The following TM4SF4 variants were observed in gnomAD, a reference collection of about 807,000 sequenced individuals.
TM4SF4 encodes transmembrane 4 L6 family member 4.
TM4SF4 carries 24 observed loss-of-function variants against 24.1 expected under a neutral mutation model. The observed-to-expected ratio is 1.00, with a 90% CI of 0.72 to 1.40. TM4SF4 has a LOEUF of 1.40. Ranked by LOEUF, TM4SF4 falls within the 40% of genes most tolerant of loss-of-function variation. TM4SF4 has a pLI of 0.00. For synonymous variants in TM4SF4, 113 were observed against 97.0 expected (o/e 1.17, Z -0.97); for missense variants, 254 against 254.2 (o/e 1.00, Z 0.01).
At position 149,498,847 on chromosome 3, in the gene TM4SF4, T is replaced by C; in HGVS notation, c.527T>C (p.Ile176Thr). 3.1e-6 allele frequency: 5 copies of C among 1,613,992 alleles called. No homozygotes were observed. The South Asian group carries it at 5.5e-5, about 18-fold the overall frequency. Residue 176 changes from isoleucine (I) to threonine (T), a missense_variant, in exon 4 of 5, where the codon ATC becomes ACC. Coordinates refer to ENST00000305354, the MANE Select transcript of TM4SF4 (RefSeq NM_004617.4). ...GGAATCCAGATGGTTCTCTGCGCCA[T>C]CCAGGTGGTCAATGGCCTCCTGGGG... is the stretch of plus-strand genomic sequence containing the variant. ...VGGIQMVLCA[I>T]QVVNGLLGTL...
chr3:149,476,621 C>T (rs555223320), intron 2 of TM4SF4, among the ~76,000 whole-genome samples: 7 of 152,282 alleles, frequency 4.6e-5, no homozygotes, highest in African/African-American at 1.7e-4. Context: ...CTGGACTAGA[C>T]CAGAATTTCT....
intron 3 of TM4SF4, among the ~76,000 whole-genome samples, chr3:149,489,217 G>A (rs577610480): frequency 1.0e-3 from 153 of 152,306 alleles, no homozygotes; most frequent in African/African-American, 2.7e-3. Flanking sequence ...ATCCCAGCAG[G>A]CTGAGCCCCC....
Position 149,502,748 on chromosome 3 carries a change from A to T in TM4SF4, c.*55A>T. ...AGCATGACGACTACAATTTCTTTTC[A>T]TAAAACTTCTTCTCTTCTTGGAATT... On this transcript the variant is annotated 3_prime_UTR_variant, in exon 5 of 5. Transcript: ENST00000305354. The T allele has an allele frequency of 3.0e-6, 4 of 1,351,324 alleles. No individual in the cohort carries two copies. Among genetic ancestry groups the T allele is most frequent in the Non-Finnish European group, 4.2e-6 (4 of 949,232 alleles). 83.7% of individuals were successfully genotyped at this position (1,351,324 alleles called of 1,614,324 possible).
intron 2 of TM4SF4, among the ~76,000 whole-genome samples, chr3:149,480,378 T>TA (rs1445224349): frequency 1.1e-4 from 16 of 152,178 alleles, no homozygotes; most frequent in Admixed American, 1.0e-3. Flanking sequence ...AGGAGTGTCT[T>TA]TAATAATGAG....
chr3:149,476,632 C>T (rs560194834), intron 2 of TM4SF4, among the ~76,000 whole-genome samples: 9 of 152,208 alleles, frequency 5.9e-5, no homozygotes, highest in African/African-American at 2.2e-4. Context: ...CAGAATTTCT[C>T]AAGTATGGGA....
intron 2 of TM4SF4, among the ~76,000 whole-genome samples, chr3:149,482,086 A>G (rs1483097567): frequency 6.6e-6 from 1 of 152,270 alleles, no homozygotes; most frequent in African/African-American, 2.4e-5. Flanking sequence ...CTAGCAGCCT[A>G]TCCCACGTGG....
At chr3:149,500,953 A>G (rs1268215488) in intron 4 of TM4SF4, among the ~76,000 whole-genome samples, 1 of 149,800 alleles carries the variant, frequency 6.7e-6, no homozygotes, top group Non-Finnish European at 1.5e-5. Context: ...TGAGCCCACG[A>G]TGCTGAGGCT....
At chr3:149,489,672 A>C (rs777540176) in intron 3 of TM4SF4, among the ~76,000 whole-genome samples, 8 of 152,194 alleles carry the variant, frequency 5.3e-5, no homozygotes, top group Non-Finnish European at 1.0e-4. Flanking sequence ...GAAGTTCTTC[A>C]TATTAGTACT....
intron 1 of TM4SF4, 37 bp downstream of exon 1, chr3:149,475,088 T>A: frequency 6.3e-7 from 1 of 1,583,302 alleles, no homozygotes; most frequent in Non-Finnish European, 8.6e-7. Flanking sequence ...TAAGGGAGAT[T>A]TTCCCTTCCC....
chr3:149,478,143 TTTG>T (rs1487847796), intron 2 of TM4SF4, among the ~76,000 whole-genome samples: 2 of 152,296 alleles, frequency 1.3e-5, no homozygotes, highest in African/African-American at 4.8e-5. Flanking sequence ...AGTTTGTCTT[TTTG>T]TTGTTGTTGT....
rs550740113 is a variant in TM4SF4 at position 149,491,440 on chromosome 3, T to A, written c.401+3685T>A. Among the ~76,000 whole-genome samples the A allele has an allele frequency of 7.2e-5, 11 of 152,002 alleles. No homozygotes were observed. The South Asian group carries it at 2.3e-3, about 32-fold the overall frequency. On this transcript the variant is annotated intron_variant, in intron 3 of 4. Coordinates refer to ENST00000305354, the MANE Select transcript of TM4SF4 (RefSeq NM_004617.4). ...ATAATCATGCCACTGCATTCTAGCC[T>A]GGGCAACAGAGCCAGACCCTGTCTC...
chr3:149,476,014 G>T, intron 2 of TM4SF4, 102 bp downstream of exon 2: 1 of 944,640 alleles, frequency 1.1e-6, no homozygotes. Flanking sequence ...CTCCAGCCAG[G>T]ACTCTGGGAG....
Position 149,502,946 on chromosome 3 carries a change from A to C in TM4SF4, c.*253A>C. The C allele has an allele frequency of 2.3e-6, 1 of 433,428 alleles. No individual in the cohort carries two copies. Among genetic ancestry groups the C allele is most frequent in the South Asian group, 3.9e-5 (1 of 25,480 alleles). 26.8% of individuals were successfully genotyped at this position (433,428 alleles called of 1,614,324 possible). On this transcript the variant is annotated 3_prime_UTR_variant, in exon 5 of 5. Coordinates refer to ENST00000305354, the MANE Select transcript of TM4SF4 (RefSeq NM_004617.4). ...AATTAGTTCCTTTTTAGAATTTACCAACAGGTTCAAAGCATACTTTTCATG... is the reference window on the plus strand; with the variant it reads ...AATTAGTTCCTTTTTAGAATTTACCCACAGGTTCAAAGCATACTTTTCATG...
chr3:149,475,010 G>C lies in TM4SF4; in HGVS notation c.133G>C (p.Glu45Gln), dbSNP rs1733900904. 1 of 1,613,834 alleles carries C rather than the reference G, an allele frequency of 6.2e-7. No homozygotes were observed. The highest frequency in any genetic ancestry group is 2.2e-5 in the East Asian group (1 of 44,870). ...AGATGACAACGACCACCTTTCCCAA[G>C]AGATCTGGTTTTTCGGAGGAATATT... ...VIDDNDHLSQ[E>Q]IWFFGGILGS... The change falls in exon 1 of 5, where the codon GAG (glutamate) becomes CAG (glutamine). Residue 45 changes from glutamate to glutamine, a missense_variant. Transcript: ENST00000305354.
At chr3:149,495,435 G>C in intron 3 of TM4SF4, 1 of 387,082 alleles carries the variant, frequency 2.6e-6, no homozygotes, top group Non-Finnish European at 5.1e-6. Context: ...TGTGCTAAGT[G>C]GAAACTGGTG....
chr3:149,495,114 A>C (rs67976172), intron 3 of TM4SF4: 24,195 of 264,796 alleles, frequency 0.091, 2,135 homozygotes, highest in East Asian at 0.4. Flanking sequence ...TGGATTCCAC[A>C]GAGCCCCTCT....
chr3:149,489,006 T>C (rs1006732021), intron 3 of TM4SF4, among the ~76,000 whole-genome samples: 1 of 152,216 alleles, frequency 6.6e-6, no homozygotes, highest in East Asian at 1.9e-4. Context: ...ATACATGGTC[T>C]TGGTTTGTTC....
intron 2 of TM4SF4, among the ~76,000 whole-genome samples, chr3:149,484,810 G>A (rs941496180): frequency 1.3e-5 from 2 of 151,992 alleles, no homozygotes; most frequent in African/African-American, 2.4e-5. Flanking sequence ...CCTCGGCCCC[G>A]CAAAGTGCTG....
Position 149,487,704 on chromosome 3 carries a change from G to T in TM4SF4, c.350G>T (p.Gly117Val). 1 of 1,613,960 alleles carries T rather than the reference G, an allele frequency of 6.2e-7. No individual in the cohort carries two copies. Among genetic ancestry groups the T allele is most frequent in the Non-Finnish European group, 8.5e-7 (1 of 1,179,896 alleles). The change falls in exon 3 of 5, where the codon GGT becomes GTT. Residue 117 changes from glycine (G) to valine (V), a missense_variant. By Grantham distance (109) the Gly-to-Val change is moderately radical (BLOSUM62 -3). Transcript: ENST00000305354. ...ATCTCAGCCATTTCAATCAACAAGG[G>T]TCCTAAATGCCTCATGGCCAATAGT... Reference protein sequence around the residue: ...FIISAISINKGPKCLMANSTW... With the variant: ...FIISAISINKVPKCLMANSTW...
Sources: allele counts gnomAD v4.1 joint callset (sites outside exome capture counted in the v4.1 genomes callset), GRCh38; gene constraint gnomAD v4.1.1; transcripts MANE v1.5; gene names NCBI Gene and HGNC (gene_info 2026-07-23, HGNC 2026-07-21).